GABBR2: variants seen among roughly 807,000 people sequenced by gnomAD.
GABBR2 encodes G-protein coupled receptor 51.
In GABBR2, 23 loss-of-function variants were observed where a neutral mutation model predicts 105.6. The ratio of observed to expected loss-of-function variants is 0.22; its 90% CI spans 0.16 to 0.31. GABBR2 has a LOEUF of 0.31. GABBR2 is among the 10% of genes least tolerant of loss of function. GABBR2 has a pLI of 1.00. For synonymous variants in GABBR2, 478 were observed against 499.7 expected, an observed-to-expected ratio of 0.96 and a Z score of 0.58; for missense variants, 734 against 1,245.5, an observed-to-expected ratio of 0.59 and a Z score of 6.18.
chr9:98,424,404 C>T (rs1023091734), intron 7 of GABBR2, among the ~76,000 whole-genome samples: 1 of 151,580 alleles, frequency 6.6e-6, no homozygotes, highest in African/African-American at 2.4e-5. Flanking sequence ...TGGAAGCATT[C>T]CCTTTGAAAA....
At position 98,290,245 on chromosome 9, in the gene GABBR2, C is replaced by T. The variant is rs1830273887; in HGVS notation, c.*339G>A. 1 of 174,750 alleles carries T rather than the reference C, an allele frequency of 5.7e-6. No individual in the cohort carries two copies. Among genetic ancestry groups the T allele is most frequent in the Admixed American group, 6.4e-5 (1 of 15,554 alleles). 10.8% of individuals were successfully genotyped at this position (174,750 alleles called of 1,614,324 possible). A position where few individuals can be genotyped will look rare whatever the true frequency, so the allele number is the denominator to read the frequency against. On this transcript the variant is annotated 3_prime_UTR_variant, in exon 19 of 19. Transcript: ENST00000259455. ...GTGACTTCCAGCTGGAGTTCTAGTGCCTCTCTCCTTGTCTAGTTTTTTTGT... is the reference window on the plus strand; with the variant it reads ...GTGACTTCCAGCTGGAGTTCTAGTGTCTCTCTCCTTGTCTAGTTTTTTTGT...
intron 1 of GABBR2, among the ~76,000 whole-genome samples, chr9:98,665,190 G>A (rs1830317320): frequency 6.6e-6 from 1 of 152,270 alleles, no homozygotes; most frequent in Non-Finnish European, 1.5e-5. Context: ...GATCGCCTGA[G>A]CCTGGGAGGT....
At chr9:98,384,094 C>T (rs1832028827) in intron 11 of GABBR2, among the ~76,000 whole-genome samples, 1 of 152,190 alleles carries the variant, frequency 6.6e-6, no homozygotes, top group Non-Finnish European at 1.5e-5. Flanking sequence ...TGAATCCACT[C>T]AGCACCGATC....
chr9:98,649,738 G>A (rs1173307362), intron 1 of GABBR2, among the ~76,000 whole-genome samples: 1 of 152,116 alleles, frequency 6.6e-6, no homozygotes, highest in East Asian at 1.9e-4. Context: ...TGAATGGTAG[G>A]ATTAATGATT....
chr9:98,342,815 C>T (rs1202957352), intron 13 of GABBR2, among the ~76,000 whole-genome samples: 1 of 152,224 alleles, frequency 6.6e-6, no homozygotes, highest in Non-Finnish European at 1.5e-5. Flanking sequence ...ACCCTGGTCT[C>T]CAGCACTTCC....
At chr9:98,626,950 G>T (rs1829745481) in intron 1 of GABBR2, among the ~76,000 whole-genome samples, 1 of 152,174 alleles carries the variant, frequency 6.6e-6, no homozygotes, top group South Asian at 2.1e-4. Flanking sequence ...TCCTGCTTCA[G>T]GAATAAGTGA....
chr9:98,660,012 T>C (rs1266211018), intron 1 of GABBR2, among the ~76,000 whole-genome samples: 1 of 152,208 alleles, frequency 6.6e-6, no homozygotes, highest in African/African-American at 2.4e-5. Flanking sequence ...AAGTGAAATC[T>C]GCATTATATT....
intron 2 of GABBR2, among the ~76,000 whole-genome samples, chr9:98,576,975 TATGGATGGATGGATGTATGGGTGG>T: frequency 1.3e-5 from 1 of 78,204 alleles, no homozygotes; most frequent in South Asian, 4.4e-4. Flanking sequence ...TGGGTGGATG[TATGGATGGATGGATGTATGGGTGG>T]ATGGATGGAT....
At chr9:98,426,023 CAAAT>C (rs1293159057) in intron 7 of GABBR2, among the ~76,000 whole-genome samples, 1 of 151,838 alleles carries the variant, frequency 6.6e-6, no homozygotes, top group East Asian at 1.9e-4. Context: ...AATGGATGGA[CAAAT>C]GAATGAAGAA....
chr9:98,670,785 T>C (rs905494130), intron 1 of GABBR2, among the ~76,000 whole-genome samples: 34 of 152,184 alleles, frequency 2.2e-4, no homozygotes, highest in African/African-American at 8.2e-4. Flanking sequence ...GTAGTCAATA[T>C]TGTAGAGACA....
At chr9:98,353,767 T>C (rs936583490) in intron 13 of GABBR2, among the ~76,000 whole-genome samples, 1 of 151,310 alleles carries the variant, frequency 6.6e-6, no homozygotes, top group Non-Finnish European at 1.5e-5. Context: ...AATCCCCACA[T>C]GTCAAGGGTG....
chr9:98,508,379 C>G (rs545530733), intron 3 of GABBR2, among the ~76,000 whole-genome samples: 1 of 152,340 alleles, frequency 6.6e-6, no homozygotes, highest in Admixed American at 6.5e-5. Context: ...AACTGAAGTA[C>G]CGGGTTCATC....
chr9:98,415,463 A>G (rs931700643), intron 7 of GABBR2, among the ~76,000 whole-genome samples: 1 of 152,144 alleles, frequency 6.6e-6, no homozygotes, highest in African/African-American at 2.4e-5. Context: ...TCAAAGTCGA[A>G]TAACAAAGAG....
At chr9:98,395,514 A>G (rs1832272648) in intron 8 of GABBR2, among the ~76,000 whole-genome samples, 1 of 152,032 alleles carries the variant, frequency 6.6e-6, no homozygotes, top group Non-Finnish European at 1.5e-5. Context: ...AAAAGAGGAG[A>G]GGATCAAGTG....
intron 1 of GABBR2, among the ~76,000 whole-genome samples, chr9:98,650,250 T>C (rs1830087095): frequency 6.6e-6 from 1 of 152,198 alleles, no homozygotes; most frequent in African/African-American, 2.4e-5. Flanking sequence ...CCAGGCTGCC[T>C]GGGATTGAAT....
At chr9:98,330,468 A>C (rs779713415) in intron 13 of GABBR2, among the ~76,000 whole-genome samples, 1 of 152,202 alleles carries the variant, frequency 6.6e-6, no homozygotes, top group Non-Finnish European at 1.5e-5. Context: ...TTACTGCTGG[A>C]CCTTTTCAAG....
In GABBR2 at chr9:98,530,113, C is replaced by T. The variant is rs948127201; in HGVS notation, c.630+11760G>A. On this transcript the variant is annotated intron_variant, in intron 3 of 18. Transcript: ENST00000259455. ...CCTACACACTACAAGATGCACTGCC[C>T]TGTCAGCCAAGAGGACCGGCAGAAA... is the stretch of plus-strand genomic sequence containing the variant. 2.0e-5 allele frequency among the ~76,000 whole-genome samples: 3 copies of T among 152,360 alleles called. No individual in the cohort carries two copies. The South Asian group carries it at 6.2e-4, about 32-fold the overall frequency.
At chr9:98,394,583 C>T (rs890815400) in intron 8 of GABBR2, among the ~76,000 whole-genome samples, 1 of 152,186 alleles carries the variant, frequency 6.6e-6, no homozygotes, top group Non-Finnish European at 1.5e-5. Flanking sequence ...TGTAACATTC[C>T]CCCTGCTCAA....
intron 11 of GABBR2, among the ~76,000 whole-genome samples, chr9:98,383,886 G>T (rs1832024812): frequency 6.6e-6 from 1 of 152,148 alleles, no homozygotes; most frequent in African/African-American, 2.4e-5. Context: ...TGTGAGTGGG[G>T]ACTTGCAGCA....
Sources: gnomAD v4.1 joint callset for allele counts (sites outside exome capture counted in the v4.1 genomes callset) on GRCh38, gnomAD v4.1.1 for gene constraint, MANE v1.5 for transcripts, NCBI Gene and HGNC (gene_info 2026-07-23, HGNC 2026-07-21) for gene names.